The following MTFR1 variants were observed in gnomAD, a reference collection of about 807,000 sequenced individuals.
The protein encoded by MTFR1 is mitochondrial fission regulator 1.
MTFR1 carries 28 observed loss-of-function variants against 38.8 expected under a neutral mutation model. The observed-to-expected ratio is 0.72, with a 90% CI of 0.53 to 0.99. The LOEUF is 0.99. MTFR1 is among the 50% of genes least tolerant of loss of function. MTFR1 has a pLI of 0.00. For missense variants in MTFR1, 358 were observed against 395.5 expected (o/e 0.91, Z 0.81); for synonymous variants, 145 against 137.0 (o/e 1.06, Z -0.41).
chr8:65,745,541 G>C, intron 3 of MTFR1: 1 of 839,010 alleles, frequency 1.2e-6, no homozygotes, highest in Non-Finnish European at 2.0e-6. Flanking sequence ...ATATTCCATA[G>C]AGAAGTTAAA....
At chr8:65,775,167 G>A (rs1343645580), downstream of MTFR1, among the ~76,000 whole-genome samples, 5 of 152,062 alleles carry the variant, frequency 3.3e-5, no homozygotes, top group Non-Finnish European at 4.4e-5. Flanking sequence ...GAGTATGCAC[G>A]TTAGCTCCAT....
intron 1 of MTFR1, among the ~76,000 whole-genome samples, chr8:65,648,230 T>G (rs1191281354): frequency 2.0e-5 from 3 of 152,080 alleles, no homozygotes; most frequent in Non-Finnish European, 2.9e-5. Context: ...TGTTAGCCAG[T>G]ATGGTCTCGA....
intron 3 of MTFR1, among the ~76,000 whole-genome samples, chr8:65,691,930 A>G (rs897292934): frequency 1.3e-5 from 2 of 152,250 alleles, no homozygotes; most frequent in Non-Finnish European, 2.9e-5. Flanking sequence ...TACATTAAAG[A>G]TATTTTAAAC....
At chr8:65,685,833 G>A (rs1309115563) in intron 3 of MTFR1, among the ~76,000 whole-genome samples, 2 of 152,224 alleles carry the variant, frequency 1.3e-5, no homozygotes, top group African/African-American at 4.8e-5. Context: ...AGAAGATCAG[G>A]AGTTCTCAGG....
intron 3 of MTFR1, among the ~76,000 whole-genome samples, chr8:65,759,379 G>C (rs572796359): frequency 1.3e-5 from 2 of 152,312 alleles, no homozygotes; most frequent in South Asian, 4.1e-4. Context: ...AGTCCCTCAG[G>C]GATCCGCCAG....
At chr8:65,714,994 C>T (rs191111665), downstream of MTFR1, among the ~76,000 whole-genome samples, 638 of 152,078 alleles carry the variant, frequency 4.2e-3, 4 homozygotes, top group Middle Eastern at 6.8e-3. Context: ...AAAGTTAGGA[C>T]TTGTCAAAAT....
intron 3 of MTFR1, among the ~76,000 whole-genome samples, chr8:65,763,934 T>C (rs966624670): frequency 1.3e-5 from 2 of 152,208 alleles, no homozygotes; most frequent in African/African-American, 2.4e-5. Flanking sequence ...AAGGAAGATA[T>C]TTAGAAGACA....
chr8:65,695,930 A>G (rs1484780297), intron 4 of MTFR1, among the ~76,000 whole-genome samples: 1 of 152,002 alleles, frequency 6.6e-6, no homozygotes, highest in Admixed American at 6.6e-5. Flanking sequence ...AGGAAAGAAA[A>G]AGCCTCCTCC....
chr8:65,695,811 A>T (rs1309710261), intron 4 of MTFR1, among the ~76,000 whole-genome samples: 1 of 152,226 alleles, frequency 6.6e-6, no homozygotes, highest in East Asian at 1.9e-4. Context: ...AGGAAGGCCT[A>T]TACTCTATAA....
chr8:65,713,318 G>T (rs1448397396), downstream of MTFR1, among the ~76,000 whole-genome samples: 1 of 151,956 alleles, frequency 6.6e-6, no homozygotes, highest in East Asian at 1.9e-4. Flanking sequence ...GTGCACACCT[G>T]TAATCCCAAC....
chr8:65,712,117 A>AGAT (rs759287390), downstream of MTFR1, among the ~76,000 whole-genome samples: 8 of 152,234 alleles, frequency 5.3e-5, no homozygotes, highest in African/African-American at 1.7e-4. Flanking sequence ...TTCATTAGCC[A>AGAT]GATACACTTT....
At chr8:65,771,592 AGTGGCTCACGCG>A (rs1809085670), downstream of MTFR1, among the ~76,000 whole-genome samples, 1 of 152,248 alleles carries the variant, frequency 6.6e-6, no homozygotes, top group Admixed American at 6.5e-5. Flanking sequence ...GGGCGCACGC[AGTGGCTCACGCG>A]GTGGCTCACG....
chr8:65,654,117 G>C (rs888114399), intron 1 of MTFR1, among the ~76,000 whole-genome samples: 1 of 151,508 alleles, frequency 6.6e-6, no homozygotes, highest in Non-Finnish European at 1.5e-5. Flanking sequence ...TATCCTATTG[G>C]GGGGAAAGAA....
In MTFR1 at chr8:65,707,091, G is replaced by T. The variant is rs1464007360; in HGVS notation, c.599G>T (p.Gly200Val). ...PPPPLPPPAL[G>V]LHQSTSAVDL... ...CCGCCCCTGCCTCCCCCTGCACTGG[G>T]GCTCCACCAAAGTACATCTGCTGTT... The change falls in exon 6 of 8, where the codon GGG becomes GTG. Residue 200 changes from glycine to valine, a missense_variant. Gly to Val is a moderately radical substitution (Grantham distance 109, BLOSUM62 -3). Transcript: ENST00000262146. 6.2e-7 allele frequency: 1 copy of T among 1,613,860 alleles called. No homozygotes were observed.
At chr8:65,666,497 GCA>G (rs1264256294) in intron 1 of MTFR1, among the ~76,000 whole-genome samples, 16 of 152,172 alleles carry the variant, frequency 1.1e-4, no homozygotes, top group Non-Finnish European at 1.6e-4. Flanking sequence ...GTGGATAAAA[GCA>G]CAGACTTACA....
intron 1 of MTFR1, among the ~76,000 whole-genome samples, chr8:65,648,200 G>A (rs1809016150): frequency 6.6e-6 from 1 of 152,016 alleles, no homozygotes; most frequent in Non-Finnish European, 1.5e-5. Context: ...CTATTTTTTA[G>A]TAGAGACGGG....
chr8:65,769,247 CAAAAAAAAAAAA>C (rs61554087), intron 3 of MTFR1, among the ~76,000 whole-genome samples: 2 of 74,456 alleles, frequency 2.7e-5, no homozygotes, highest in Non-Finnish European at 5.2e-5. Flanking sequence ...GACTCAGTCT[CAAAAAAAAAAAA>C]AAAAAAAAAA....
At chr8:65,764,986 G>C (rs1454505322) in intron 3 of MTFR1, among the ~76,000 whole-genome samples, 1 of 152,150 alleles carries the variant, frequency 6.6e-6, no homozygotes. Flanking sequence ...CTAACTGTAG[G>C]AGATACACAG....
downstream of MTFR1, among the ~76,000 whole-genome samples, chr8:65,773,276 TA>T (rs969401589): frequency 3.3e-5 from 5 of 152,004 alleles, no homozygotes; most frequent in Non-Finnish European, 5.9e-5. Context: ...TTTTCTCTAT[TA>T]AAAAAAACTC....
Sources: gnomAD v4.1 joint callset for allele counts (sites outside exome capture counted in the v4.1 genomes callset) on GRCh38, gnomAD v4.1.1 for gene constraint, MANE v1.5 for transcripts, NCBI Gene and HGNC (gene_info 2026-07-23, HGNC 2026-07-21) for gene names.